PARL: variants seen among roughly 807,000 people sequenced by gnomAD.
The protein encoded by PARL is presenilin associated rhomboid like.
PARL carries 44 observed loss-of-function variants against 51.6 expected under a neutral mutation model. The ratio of observed to expected loss-of-function variants is 0.85; its 90% CI spans 0.67 to 1.10. The LOEUF is 1.10. PARL is among the 50% of genes least tolerant of loss of function. The pLI, the probability that PARL is intolerant of heterozygous loss-of-function variation, is 0.00. For synonymous variants in PARL, 172 were observed against 164.0 expected, an observed-to-expected ratio of 1.05 and a Z score of -0.37; for missense variants, 441 against 469.5, an observed-to-expected ratio of 0.94 and a Z score of 0.56.
Position 183,884,777 on chromosome 3 carries a change from G to T in PARL, c.70C>A (p.Arg24Ser). ...ACCGCAGTGAGCTCCTCGCAGCTGC[G>T]GCCGCCCACCGACGCACCCCACGCC... ...GQAWGASVGG[R>S]SCEELTAVLT... The change falls in exon 1 of 10, where the codon CGC becomes AGC. Residue 24 changes from arginine (R) to serine (S), a missense_variant. Transcript: ENST00000317096. 6.3e-7 allele frequency: 1 copy of T among 1,586,722 alleles called. No homozygotes were observed. The highest frequency in any genetic ancestry group is 8.5e-7 in the Non-Finnish European group (1 of 1,172,466).
downstream of PARL, chr3:183,826,597 C>T (rs1183632838): frequency 1.0e-6 from 1 of 985,262 alleles, no homozygotes; most frequent in Non-Finnish European, 1.2e-6. Flanking sequence ...ATTCATCTCC[C>T]AAAACATTGC....
intron 7 of PARL, among the ~76,000 whole-genome samples, chr3:183,838,199 A>T (rs1168100028): frequency 6.6e-6 from 1 of 151,578 alleles, no homozygotes; most frequent in Non-Finnish European, 1.5e-5. Flanking sequence ...CTTAATTTTG[A>T]AATTTTTTGT....
chr3:183,880,402 T>C (rs540191645), intron 1 of PARL, among the ~76,000 whole-genome samples: 1 of 152,204 alleles, frequency 6.6e-6, no homozygotes, highest in Admixed American at 6.5e-5. Flanking sequence ...TAGTTCAGTT[T>C]TTTTTTTTCC....
intron 1 of PARL, chr3:183,879,647 A>G: frequency 1.8e-6 from 1 of 567,434 alleles, no homozygotes; most frequent in Non-Finnish European, 2.2e-6. Flanking sequence ...GGATGCTTTT[A>G]GATGTAGTAT....
chr3:183,861,759 T>G (rs560425831), intron 4 of PARL, among the ~76,000 whole-genome samples: 1 of 152,212 alleles, frequency 6.6e-6, no homozygotes, highest in Non-Finnish European at 1.5e-5. Flanking sequence ...TTCTTTTCTA[T>G]GCAATCGTTA....
At chr3:183,859,529 G>T (rs974698199) in intron 4 of PARL, among the ~76,000 whole-genome samples, 5 of 152,058 alleles carry the variant, frequency 3.3e-5, no homozygotes, top group African/African-American at 9.7e-5. Context: ...TAGAGATGGG[G>T]TTTCACCATG....
rs1179752303 is a variant in PARL at position 183,829,461 on chromosome 3, G to A, written c.*137C>T. On this transcript the variant is annotated 3_prime_UTR_variant, in exon 10 of 10. Transcript: ENST00000317096. ...ACATTCTAAAAAGACACGGACTGGG[G>A]GACACAGCTGAAAACAGTGGGAGGC... is the stretch of plus-strand genomic sequence containing the variant. 2.5e-6 allele frequency: 4 copies of A among 1,603,436 alleles called. No individual in the cohort carries two copies. Among genetic ancestry groups the A allele is most frequent in the Non-Finnish European group, 3.4e-6 (4 of 1,175,086 alleles).
chr3:183,841,767 A>G (rs774180798), intron 6 of PARL, among the ~76,000 whole-genome samples: 11 of 152,314 alleles, frequency 7.2e-5, no homozygotes, highest in Non-Finnish European at 1.6e-4. Flanking sequence ...CTTCAAGACC[A>G]TGGCTAGGAA....
chr3:183,856,256 C>T (rs1453374721), intron 4 of PARL, among the ~76,000 whole-genome samples: 6 of 152,048 alleles, frequency 3.9e-5, no homozygotes, highest in Admixed American at 3.9e-4. Flanking sequence ...CTTACCATAC[C>T]ACTTGGGGTC....
chr3:183,865,832 A>G (rs1732404798), intron 3 of PARL, among the ~76,000 whole-genome samples: 1 of 152,092 alleles, frequency 6.6e-6, no homozygotes, highest in Non-Finnish European at 1.5e-5. Context: ...AGTAGAGCTG[A>G]GACATCCTCC....
Position 183,833,801 on chromosome 3 carries a change from C to T in PARL, c.853G>A (p.Ala285Thr), listed in dbSNP as rs1171010055. 4.3e-6 allele frequency: 7 copies of T among 1,612,342 alleles called. No homozygotes were observed. Among genetic ancestry groups the T allele is most frequent in the African/African-American group, 2.7e-5 (2 of 74,894 alleles). ...TCTGGGATCTTAGTGCAGACAGCTG[C>T]GAGGACTGTCATGATGGCACCAGAC... ...GASGAIMTVL[A>T]AVCTKIPEGR... The change falls in exon 8 of 10, where the codon GCA becomes ACA. Residue 285 changes from alanine (A) to threonine (T), a missense_variant. By Grantham distance (58) the Ala-to-Thr change is moderately conservative. Coordinates refer to ENST00000317096, the MANE Select transcript of PARL (RefSeq NM_018622.7).
chr3:183,833,055 T>C (rs1728134537), intron 9 of PARL, among the ~76,000 whole-genome samples: 1 of 152,142 alleles, frequency 6.6e-6, no homozygotes, highest in Non-Finnish European at 1.5e-5. Flanking sequence ...ACTCCAGTCA[T>C]ACAGAGCAAT....
intron 1 of PARL, among the ~76,000 whole-genome samples, chr3:183,877,730 G>GC (rs1468813651): frequency 1.3e-5 from 2 of 151,994 alleles, no homozygotes; most frequent in Non-Finnish European, 2.9e-5. Context: ...TAGTAATAAA[G>GC]CATTTTAAAA....
chr3:183,842,829 A>AAT (rs1177131786), intron 5 of PARL, among the ~76,000 whole-genome samples: 10 of 71,548 alleles, frequency 1.4e-4, no homozygotes, highest in Non-Finnish European at 2.5e-4. Context: ...AAAAAAAAAA[A>AAT]TTTATGAAAC....
chr3:183,829,813 C>A, intron 9 of PARL, 104 bp from the exon 10 acceptor site: 1 of 898,560 alleles, frequency 1.1e-6, no homozygotes, highest in Non-Finnish European at 1.9e-6. Context: ...TCGAATGCCA[C>A]TCACTATGTA....
chr3:183,835,593 A>T (rs770476628), intron 7 of PARL, among the ~76,000 whole-genome samples: 1 of 152,170 alleles, frequency 6.6e-6, no homozygotes, highest in Non-Finnish European at 1.5e-5. Context: ...GTAGCCGGGC[A>T]CGGTGGCTCA....
intron 3 of PARL, 79 bp downstream of exon 3, chr3:183,866,546 G>T: frequency 8.5e-7 from 1 of 1,174,346 alleles, no homozygotes; most frequent in South Asian, 1.2e-5. Flanking sequence ...CATGTACACT[G>T]AAAACACGTG....
intron 1 of PARL, 102 bp downstream of exon 1, chr3:183,884,620 C>T: frequency 8.4e-7 from 1 of 1,191,934 alleles, no homozygotes; most frequent in Non-Finnish European, 1.2e-6. Context: ...AGGGGGTGAG[C>T]TGGGGCCAGC....
At chr3:183,882,119 G>A (rs979631079) in intron 1 of PARL, among the ~76,000 whole-genome samples, 1 of 148,412 alleles carries the variant, frequency 6.7e-6, no homozygotes, top group Non-Finnish European at 1.5e-5. Flanking sequence ...CAGGAGAATC[G>A]CTTGAACCCG....
Sources: allele counts gnomAD v4.1 joint callset (sites outside exome capture counted in the v4.1 genomes callset), GRCh38; gene constraint gnomAD v4.1.1; transcripts MANE v1.5; gene names NCBI Gene and HGNC (gene_info 2026-07-23, HGNC 2026-07-21).